IQSEC1: variants seen among roughly 807,000 people sequenced by gnomAD.
IQSEC1 encodes IQ motif and Sec7 domain ArfGEF 1, also known as IQ motif and SEC7 domain-containing protein 1.
A neutral mutation model predicts 91.0 loss-of-function variants in IQSEC1; 31 were observed. That is an observed-to-expected ratio of 0.34 (90% confidence interval 0.26 to 0.46). The LOEUF (loss-of-function observed/expected upper bound fraction) is 0.46. IQSEC1 is among the 20% of genes least tolerant of loss of function. The probability of loss-of-function intolerance (pLI) is 1.00; values close to 1 mark genes in which losing one functional copy is unlikely to be tolerated. For missense variants in IQSEC1, 1,388 were observed against 1,575.6 expected (o/e 0.88, Z 2.02); for synonymous variants, 699 against 662.6 (o/e 1.05, Z -0.84).
intron 2 of IQSEC1, among the ~76,000 whole-genome samples, chr3:13,106,473 C>T (rs1430088482): frequency 6.6e-6 from 1 of 152,146 alleles, no homozygotes; most frequent in Non-Finnish European, 1.5e-5. Context: ...TCATGTAATC[C>T]TGAGGCCAAG....
intron 1 of IQSEC1, among the ~76,000 whole-genome samples, chr3:13,237,689 A>T (rs928928058): frequency 1.6e-4 from 24 of 152,244 alleles, no homozygotes; most frequent in Non-Finnish European, 2.5e-4. Context: ...GAGATGGTGC[A>T]CTTGCAAATC....
rs1402181596 is a variant in IQSEC1 at position 12,922,661 on chromosome 3, C to T, written c.1731-419G>A. ...ATTTTCACAGTGAGGAAAGGGGCGC[C>T]CAGGGTGTTGACTTTCAGAATAAGC... is the stretch of plus-strand genomic sequence containing the variant. On this transcript the variant is annotated intron_variant, in intron 4 of 13. Coordinates refer to ENST00000613206, the MANE Select transcript of IQSEC1 (RefSeq NM_001134382.3). The surrounding 1 kb of genome is among the most constrained non-coding windows in gnomAD (Gnocchi z 5.1). 6.6e-6 allele frequency among the ~76,000 whole-genome samples: 1 copy of T among 152,118 alleles called. No individual in the cohort carries two copies. Among genetic ancestry groups the T allele is most frequent in the Non-Finnish European group, 1.5e-5 (1 of 68,030 alleles).
At chr3:13,132,811 A>G (rs538664340) in intron 2 of IQSEC1, among the ~76,000 whole-genome samples, 1 of 152,308 alleles carries the variant, frequency 6.6e-6, no homozygotes, top group African/African-American at 2.4e-5. Flanking sequence ...TTGTTTCACC[A>G]GGAAACTTTA....
chr3:12,971,882 C>T (rs1214802133), intron 1 of IQSEC1, among the ~76,000 whole-genome samples: 1 of 152,072 alleles, frequency 6.6e-6, no homozygotes, highest in East Asian at 1.9e-4. Context: ...ATTAGCTGGG[C>T]GTGGTGGTGG....
chr3:13,279,081 T>C (rs1695744035), intron 1 of IQSEC1, among the ~76,000 whole-genome samples: 1 of 152,122 alleles, frequency 6.6e-6, no homozygotes, highest in Non-Finnish European at 1.5e-5. Context: ...GATGCAGCCA[T>C]CGGCCCCACC....
At chr3:13,022,140 C>A in intron 1 of IQSEC1, 2 of 1,231,870 alleles carry the variant, frequency 1.6e-6, no homozygotes, top group African/African-American at 1.5e-5. Context: ...AGGGGCCCAC[C>A]ACCACTGCCC....
chr3:13,241,275 G>A (rs1195534007), intron 1 of IQSEC1, among the ~76,000 whole-genome samples: 1 of 152,332 alleles, frequency 6.6e-6, no homozygotes, highest in African/African-American at 2.4e-5. Flanking sequence ...CCAGACACAA[G>A]CAGGCGAAAG....
At chr3:13,277,532 G>A (rs751892878) in intron 1 of IQSEC1, among the ~76,000 whole-genome samples, 6 of 152,122 alleles carry the variant, frequency 3.9e-5, no homozygotes, top group East Asian at 1.9e-4. Flanking sequence ...ACACTCCCTC[G>A]TCTTTCTGTG....
chr3:13,262,102 T>C (rs116741300), intron 1 of IQSEC1, among the ~76,000 whole-genome samples: 2,809 of 152,228 alleles, frequency 0.018, 92 homozygotes, highest in African/African-American at 0.063. Context: ...AGCTCCCTGG[T>C]GTGCTGGATG....
At chr3:13,014,523 G>T (rs918120335) in intron 1 of IQSEC1, among the ~76,000 whole-genome samples, 1 of 152,138 alleles carries the variant, frequency 6.6e-6, no homozygotes, top group Non-Finnish European at 1.5e-5. Context: ...CTTATCACTG[G>T]GCCTCACTTT....
At chr3:13,196,046 T>C (rs1694119377) in intron 1 of IQSEC1, among the ~76,000 whole-genome samples, 1 of 152,198 alleles carries the variant, frequency 6.6e-6, no homozygotes, top group Non-Finnish European at 1.5e-5. Flanking sequence ...GTTTCGGTTT[T>C]TTACAAAAGA....
At chr3:12,933,734 G>A (rs546397663) in intron 3 of IQSEC1, among the ~76,000 whole-genome samples, 1 of 152,336 alleles carries the variant, frequency 6.6e-6, no homozygotes, top group Admixed American at 6.5e-5. Context: ...AGAGTTCCTA[G>A]AAGTGCACAC....
At chr3:12,980,816 G>A (rs976735527) in intron 1 of IQSEC1, among the ~76,000 whole-genome samples, 42 of 152,276 alleles carry the variant, frequency 2.8e-4, no homozygotes, top group African/African-American at 9.6e-4. Flanking sequence ...GTCCAGCCCT[G>A]CCTGCAGGGA....
At chr3:13,267,774 C>A (rs966378286) in intron 1 of IQSEC1, among the ~76,000 whole-genome samples, 18 of 152,080 alleles carry the variant, frequency 1.2e-4, no homozygotes, top group Non-Finnish European at 2.2e-4. Flanking sequence ...CCCACCACCT[C>A]ACCCGGCTAA....
intron 12 of IQSEC1, 125 bp from the exon 13 acceptor site, chr3:12,902,947 C>T: frequency 1.3e-6 from 1 of 744,024 alleles, no homozygotes; most frequent in East Asian, 2.7e-5. Context: ...GTGCCGGGCC[C>T]ACCTGCCCGC....
intron 1 of IQSEC1, among the ~76,000 whole-genome samples, chr3:13,263,196 GCCATATCACACCACC>G (rs1695418965): frequency 1.3e-5 from 2 of 152,130 alleles, no homozygotes; most frequent in Admixed American, 1.3e-4. Flanking sequence ...GTTGCAGTGA[GCCATATCACACCACC>G]GCACTTCAGC....
At position 13,253,576 on chromosome 3, in the gene IQSEC1, C is replaced by T. The variant is rs116644781; in HGVS notation, c.272+29135G>A. Among the ~76,000 whole-genome samples the T allele has an allele frequency of 8.6e-3, 1,308 of 152,316 alleles. 9 individuals are homozygous for T. Among genetic ancestry groups the T allele is most frequent in the African/African-American group, 0.03 (1,235 of 41,576 alleles). On this transcript the variant is annotated intron_variant, in intron 1 of 15. Transcript: ENST00000648114. ...ACACTCAACTCCATTTTCCTAAAAA[C>T]GCCATGCATCAAAATATTAGATAAG...
intron 1 of IQSEC1, among the ~76,000 whole-genome samples, chr3:12,958,131 T>C (rs1336532970): frequency 6.6e-6 from 1 of 152,130 alleles, no homozygotes; most frequent in Non-Finnish European, 1.5e-5. Flanking sequence ...TATCTAACCA[T>C]CGAGCTCCCC....
intron 3 of IQSEC1, among the ~76,000 whole-genome samples, chr3:12,929,442 G>C (rs577791272): frequency 6.6e-6 from 1 of 152,228 alleles, no homozygotes; most frequent in East Asian, 1.9e-4. Flanking sequence ...CCAGGAAGAA[G>C]GTCCCTGGTG....
Sources: gnomAD v4.1 joint callset for allele counts (sites outside exome capture counted in the v4.1 genomes callset) on GRCh38, gnomAD v4.1.1 for gene constraint, Gnocchi (gnomAD v3.1) non-coding constraint, MANE v1.5 for transcripts, NCBI Gene and HGNC (gene_info 2026-07-23, HGNC 2026-07-21) for gene names.